The following NRXN3 variants were observed in gnomAD, a reference collection of about 807,000 sequenced individuals.
NRXN3 encodes the protein neurexin III.
NRXN3 carries 32 observed loss-of-function variants against 137.6 expected under a neutral mutation model. The observed-to-expected ratio is 0.23, with a 90% CI of 0.18 to 0.31. The LOEUF (loss-of-function observed/expected upper bound fraction) is 0.31. NRXN3 is among the 10% of genes least tolerant of loss of function. NRXN3 has a pLI of 1.00. For synonymous variants in NRXN3, 798 were observed against 784.5 expected (o/e 1.02, Z -0.29); for missense variants, 1,574 against 2,062.5 (o/e 0.76, Z 4.59).
At chr14:78,584,520 C>T (rs1380209806) in intron 4 of NRXN3, among the ~76,000 whole-genome samples, 11 of 152,220 alleles carry the variant, frequency 7.2e-5, no homozygotes, top group Non-Finnish European at 2.9e-5. Context: ...ATCAAACACA[C>T]ACCATCCCTA....
In NRXN3 at chr14:79,697,788, A is replaced by G. The variant is rs375723881; in HGVS notation, c.3865A>G (p.Ser1289Gly). ...ENNPNIKING[S>G]VRLVGEVPSI... ...CAACCCCAATATTAAAATCAATGGA[A>G]GTGTTCGGCTGGTTGGAGAAGTCCC... The change falls in exon 19 of 21, where the codon AGT becomes GGT. Residue 1289 changes from serine to glycine, a missense_variant. Transcript: ENST00000335750. The G allele has an allele frequency of 6.2e-7, 1 of 1,613,080 alleles. No individual in the cohort carries two copies. Among genetic ancestry groups the G allele is most frequent in the African/African-American group, 1.3e-5 (1 of 74,794 alleles).
intron 15 of NRXN3, among the ~76,000 whole-genome samples, chr14:79,035,521 A>G (rs1358972666): frequency 6.6e-6 from 1 of 152,134 alleles, no homozygotes; most frequent in Non-Finnish European, 1.5e-5. Context: ...GATTTTTGGT[A>G]AAATATGCTA....
rs368005429 is a variant in NRXN3 at position 79,456,742 on chromosome 14, A to AGAGAG, written c.3263-10456_3263-10452dup. Among the ~76,000 whole-genome samples the AGAGAG allele has an allele frequency of 3.5e-3, 526 of 151,934 alleles. 3 individuals are homozygous for AGAGAG. The highest frequency in any genetic ancestry group is 0.014 in the South Asian group (65 of 4,790). ...CTCTGTCAAAAGAAAAGAAAGGAGA[A>AGAGAG]GAGAGGAGAGGAGAGGAGAGGAGAG... On this transcript the variant is annotated intron_variant, in intron 15 of 20. Coordinates refer to ENST00000335750, the MANE Select transcript of NRXN3 (RefSeq NM_001330195.2).
Position 79,267,750 on chromosome 14 carries a change from CTG to C in NRXN3, c.3263-199470_3263-199469del, listed in dbSNP as rs575533003. ...CCCCCTGACTTGGCCTCCCAAACTG[CTG>C]GGTGAGCTACCACACCCAGCTGAGA... On this transcript the variant is annotated intron_variant, in intron 15 of 20. Coordinates refer to ENST00000335750, the MANE Select transcript of NRXN3 (RefSeq NM_001330195.2). 1.2e-4 allele frequency among the ~76,000 whole-genome samples: 18 copies of C among 152,276 alleles called. No individual in the cohort carries two copies. In the East Asian group the frequency reaches 3.5e-3, roughly 29 times the overall value.
intron 4 of NRXN3, among the ~76,000 whole-genome samples, chr14:78,466,905 T>C (rs2095122395): frequency 6.6e-6 from 1 of 152,178 alleles, no homozygotes; most frequent in Admixed American, 6.5e-5. Context: ...AAATAATACC[T>C]GGTGATGAAA....
intron 6 of NRXN3, among the ~76,000 whole-genome samples, chr14:78,654,746 A>G (rs1473047329): frequency 3.9e-5 from 6 of 152,128 alleles, no homozygotes; most frequent in African/African-American, 1.2e-4. Context: ...TGTCTGTCTC[A>G]TGTTTGTTCT....
chr14:79,219,635 A>G (rs1156758551), intron 15 of NRXN3, among the ~76,000 whole-genome samples: 2 of 152,216 alleles, frequency 1.3e-5, no homozygotes, highest in Non-Finnish European at 2.9e-5. Flanking sequence ...TAAGATCTCT[A>G]CAAAAGGATT....
rs573403071 is a variant in NRXN3 at position 78,920,397 on chromosome 14, T to C, written c.2276-36845T>C. Among the ~76,000 whole-genome samples, 6 of 152,360 alleles carry C rather than the reference T, an allele frequency of 3.9e-5. No individual in the cohort carries two copies. In the East Asian group the frequency reaches 7.7e-4, roughly 20 times the overall value. On this transcript the variant is annotated intron_variant, in intron 10 of 20. Coordinates refer to ENST00000335750, the MANE Select transcript of NRXN3 (RefSeq NM_001330195.2). ...CTGGAAATTTTTATTTTAGTTTTAC[T>C]TGAAAAAAGTATAAATTTTGATTTT...
At chr14:78,534,551 A>C (rs1423083096) in intron 4 of NRXN3, among the ~76,000 whole-genome samples, 1 of 152,222 alleles carries the variant, frequency 6.6e-6, no homozygotes, top group Non-Finnish European at 1.5e-5. Context: ...AGCCAGCCAG[A>C]TACTATCATC....
chr14:78,679,200 T>C (rs574789373), intron 6 of NRXN3, among the ~76,000 whole-genome samples: 2 of 152,344 alleles, frequency 1.3e-5, no homozygotes, highest in African/African-American at 4.8e-5. Flanking sequence ...TTTGGAGGCA[T>C]TGATTAGTAG....
At chr14:79,141,199 C>G (rs1329139051) in intron 15 of NRXN3, among the ~76,000 whole-genome samples, 1 of 152,166 alleles carries the variant, frequency 6.6e-6, no homozygotes, top group Non-Finnish European at 1.5e-5. Context: ...CAGTGGTGGA[C>G]TTCTACAACC....
At chr14:78,712,496 A>G (rs1053119332) in intron 7 of NRXN3, among the ~76,000 whole-genome samples, 11 of 152,142 alleles carry the variant, frequency 7.2e-5, no homozygotes, top group African/African-American at 2.7e-4. Flanking sequence ...TCCCCTTAAT[A>G]TCCTTTCTAT....
intron 4 of NRXN3, among the ~76,000 whole-genome samples, chr14:78,565,628 T>TTGC (rs769969708): frequency 3.3e-5 from 5 of 152,202 alleles, no homozygotes; most frequent in Non-Finnish European, 5.9e-5. Flanking sequence ...CCTTATAAGG[T>TTGC]TGCTATGAGG....
chr14:78,722,585 GA>G (rs1182135617), intron 8 of NRXN3, among the ~76,000 whole-genome samples: 1 of 152,068 alleles, frequency 6.6e-6, no homozygotes, highest in Non-Finnish European at 1.5e-5. Flanking sequence ...ACTATTTATT[GA>G]AAAAAATGAT....
rs545980126 is a variant in NRXN3 at position 78,879,246 on chromosome 14, G to A, written c.2275+68902G>A. On this transcript the variant is annotated intron_variant, in intron 10 of 20. Coordinates refer to ENST00000335750, the MANE Select transcript of NRXN3 (RefSeq NM_001330195.2). Reference sequence around the variant, plus strand: ...TACCCTGTATCAGGATCACTGGATCGTATGGTAATTCTATTTTAATTTTTT... The same window carrying A: ...TACCCTGTATCAGGATCACTGGATCATATGGTAATTCTATTTTAATTTTTT... 5.1e-4 allele frequency among the ~76,000 whole-genome samples: 77 copies of A among 152,250 alleles called. 1 individual carries two copies. The highest frequency in any genetic ancestry group is 4.5e-3 in the Admixed American group (69 of 15,286).
chr14:79,583,466 G>A (rs7154599), intron 16 of NRXN3, among the ~76,000 whole-genome samples: 36 of 151,860 alleles, frequency 2.4e-4, no homozygotes, highest in African/African-American at 8.0e-4. Context: ...TTGTGAGCAC[G>A]ATCTTCTCTT....
At chr14:79,291,647 A>G (rs186583363) in intron 15 of NRXN3, among the ~76,000 whole-genome samples, 34 of 144,360 alleles carry the variant, frequency 2.4e-4, no homozygotes, top group Admixed American at 7.5e-4. Flanking sequence ...TCCTGTTCAA[A>G]CTGCTTAAAT....
intron 15 of NRXN3, among the ~76,000 whole-genome samples, chr14:79,196,618 C>A (rs2153194788): frequency 6.6e-6 from 1 of 151,112 alleles, no homozygotes; most frequent in East Asian, 2.0e-4. Flanking sequence ...AGAATGTTGC[C>A]CTTAATATGC....
At chr14:78,629,224 T>C (rs371111213) in intron 4 of NRXN3, among the ~76,000 whole-genome samples, 31 of 152,300 alleles carry the variant, frequency 2.0e-4, no homozygotes, top group African/African-American at 7.2e-4. Context: ...AGACTATTTG[T>C]AAAGGGCCTC....
Sources: allele counts gnomAD v4.1 joint callset (sites outside exome capture counted in the v4.1 genomes callset), GRCh38; gene constraint gnomAD v4.1.1; transcripts MANE v1.5; gene names NCBI Gene and HGNC (gene_info 2026-07-23, HGNC 2026-07-21).